Variants in MBNL2 observed in about 807,000 individuals in gnomAD.
MBNL2 encodes the protein muscleblind like splicing regulator 2, also known as muscleblind-like protein 2.
MBNL2 carries 17 observed loss-of-function variants against 41.9 expected under a neutral mutation model. The observed-to-expected ratio is 0.41, with a 90% CI of 0.28 to 0.61. The LOEUF is 0.61. Among genes scored for constraint, MBNL2 ranks in the 20% least tolerant of loss-of-function variants. MBNL2 has a pLI of 0.35. For missense variants in MBNL2, 336 were observed against 505.6 expected, an observed-to-expected ratio of 0.66 and a Z score of 3.22; for synonymous variants, 195 against 182.9, an observed-to-expected ratio of 1.07 and a Z score of -0.53.
At chr13:97,232,200 CCT>C (rs375011134) in intron 1 of MBNL2, among the ~76,000 whole-genome samples, 18 of 152,190 alleles carry the variant, frequency 1.2e-4, no homozygotes, top group African/African-American at 4.3e-4. Flanking sequence ...ATCTCGTGCC[CCT>C]GTCTGTCCTC....
At chr13:97,300,905 T>C (rs1028614361) in intron 2 of MBNL2, among the ~76,000 whole-genome samples, 1 of 152,192 alleles carries the variant, frequency 6.6e-6, no homozygotes, top group Non-Finnish European at 1.5e-5. Flanking sequence ...ATAACTATGA[T>C]AGATAGATAC....
intron 7 of MBNL2, among the ~76,000 whole-genome samples, chr13:97,359,555 A>G (rs2063239768): frequency 6.6e-6 from 1 of 152,214 alleles, no homozygotes. Context: ...AGGATAAACA[A>G]CATCCCTTAC....
intron 2 of MBNL2, among the ~76,000 whole-genome samples, chr13:97,310,854 C>T (rs750178490): frequency 1.3e-5 from 2 of 150,296 alleles, no homozygotes; most frequent in Non-Finnish European, 2.9e-5. Flanking sequence ...AACATATTAC[C>T]GGTCACCTGA....
chr13:97,218,440 C>CAAAACAAACAAACA (rs55815508), upstream of MBNL2, among the ~76,000 whole-genome samples: 5 of 117,974 alleles, frequency 4.2e-5, no homozygotes, highest in African/African-American at 1.4e-4. Flanking sequence ...CAAAACAAAA[C>CAAAACAAACAAACA]AAAAAAAAAA....
At chr13:97,320,118 C>T (rs1014905780) in intron 2 of MBNL2, among the ~76,000 whole-genome samples, 3 of 152,170 alleles carry the variant, frequency 2.0e-5, no homozygotes, top group African/African-American at 7.2e-5. Flanking sequence ...TGGCTGTGCT[C>T]GCTTCCCAAG....
intron 8 of MBNL2, among the ~76,000 whole-genome samples, chr13:97,384,678 A>G (rs554777791): frequency 6.6e-6 from 1 of 152,338 alleles, no homozygotes; most frequent in East Asian, 1.9e-4. Context: ...GAGCCTCCTT[A>G]GCTTAGCCCT....
chr13:97,220,641 A>C (rs2040776655), upstream of MBNL2, among the ~76,000 whole-genome samples: 2 of 152,118 alleles, frequency 1.3e-5, no homozygotes, highest in African/African-American at 2.4e-5. Flanking sequence ...GCAACAAGGG[A>C]GCTTGAAGAT....
At chr13:97,264,884 G>A (rs747003236) in intron 1 of MBNL2, among the ~76,000 whole-genome samples, 8 of 152,208 alleles carry the variant, frequency 5.3e-5, no homozygotes, top group Non-Finnish European at 1.0e-4. Flanking sequence ...CTGACAGATC[G>A]ATCATTGTTC....
rs541750591 is a variant in MBNL2 at position 97,222,522 on chromosome 13, G to A, written c.-614G>A. On this transcript the variant is annotated 5_prime_UTR_variant, in exon 1 of 9. Coordinates refer to ENST00000679496, the MANE Select transcript of MBNL2 (RefSeq NM_001382683.1). ...ACTGTAAATGGGAAGGACAGGCAGA[G>A]CTAAACAAGGTAGGAGAATCGCCCC... 1 of 398,588 alleles carries A rather than the reference G, an allele frequency of 2.5e-6. No homozygotes were observed. Among genetic ancestry groups the A allele is most frequent in the Non-Finnish European group, 4.4e-6 (1 of 226,026 alleles). The allele number at this position is 398,588 out of a possible 1,614,324, so 24.7% of individuals were successfully genotyped here.
intron 2 of MBNL2, among the ~76,000 whole-genome samples, chr13:97,327,975 G>A (rs1182128929): frequency 1.3e-5 from 2 of 152,126 alleles, no homozygotes; most frequent in Non-Finnish European, 2.9e-5. Flanking sequence ...CCTACTATGT[G>A]CCAGGAACTG....
At chr13:97,211,668 A>C in the MBNL2 span, among the ~76,000 whole-genome samples, 1 of 152,198 alleles carries the variant, frequency 6.6e-6, no homozygotes, top group South Asian at 2.1e-4. Flanking sequence ...TTTTCTCTCT[A>C]ATCCAGCTGG....
In MBNL2 at chr13:97,278,251, CAAAAAAAAAAAA is replaced by C. The variant is rs10606011; in HGVS notation, c.174+1857_174+1868del. Among the ~76,000 whole-genome samples the C allele has an allele frequency of 1.5e-4, 6 of 40,530 alleles. No individual in the cohort carries two copies. In the East Asian group the frequency reaches 2.6e-3, roughly 18 times the overall value. 26.6% of individuals were successfully genotyped at this position (40,530 alleles called of 152,430 possible). ...CCTGGGTGATAGAGTGAGACTGTCT[CAAAAAAAAAAAA>C]AAAAAAAAAAAAAAGCAGTGTAGAT... On this transcript the variant is annotated intron_variant, in intron 2 of 8. Transcript: ENST00000679496.
intron 1 of MBNL2, among the ~76,000 whole-genome samples, chr13:97,245,059 A>G (rs1292452200): frequency 6.6e-6 from 1 of 152,230 alleles, no homozygotes; most frequent in African/African-American, 2.4e-5. Flanking sequence ...CTAAATAAAT[A>G]GTAATAAAAC....
chr13:97,225,948 C>T (rs1422450601), intron 1 of MBNL2, among the ~76,000 whole-genome samples: 2 of 152,100 alleles, frequency 1.3e-5, no homozygotes, highest in Non-Finnish European at 2.9e-5. Flanking sequence ...AAGAATGAGG[C>T]AGGAAGACTT....
the MBNL2 span, among the ~76,000 whole-genome samples, chr13:97,146,552 G>A: frequency 6.6e-6 from 1 of 152,162 alleles, no homozygotes; most frequent in Non-Finnish European, 1.5e-5. Flanking sequence ...AAAGACCTAT[G>A]GAGAGGATTG....
At chr13:97,187,623 AG>A in the MBNL2 span, among the ~76,000 whole-genome samples, 33 of 135,210 alleles carry the variant, frequency 2.4e-4, no homozygotes, top group African/African-American at 6.4e-4. Context: ...AAAAAAAAAA[AG>A]AGGCCGGGCG....
chr13:97,252,369 C>A (rs1293931267), intron 1 of MBNL2, among the ~76,000 whole-genome samples: 2 of 151,950 alleles, frequency 1.3e-5, no homozygotes, highest in East Asian at 3.9e-4. Flanking sequence ...AGATATGCCA[C>A]AATCATTTTT....
chr13:97,199,876 G>T, the MBNL2 span, among the ~76,000 whole-genome samples: 1 of 152,182 alleles, frequency 6.6e-6, no homozygotes, highest in Non-Finnish European at 1.5e-5. Flanking sequence ...AAAACCTAAG[G>T]GACTCATTGG....
chr13:97,239,688 G>A (rs113051823), intron 1 of MBNL2, among the ~76,000 whole-genome samples: 46 of 152,352 alleles, frequency 3.0e-4, no homozygotes, highest in Non-Finnish European at 5.4e-4. Context: ...GAGAAACTAA[G>A]TGTGAGATAC....
Sources: gnomAD v4.1 joint callset for allele counts (sites outside exome capture counted in the v4.1 genomes callset) on GRCh38, gnomAD v4.1.1 for gene constraint, MANE v1.5 for transcripts, NCBI Gene and HGNC (gene_info 2026-07-23, HGNC 2026-07-21) for gene names.